VAV1: variants seen among roughly 807,000 people sequenced by gnomAD.
The protein encoded by VAV1 is proto-oncogene vav.
In VAV1, 33 loss-of-function variants were observed where a neutral mutation model predicts 128.1. That is an observed-to-expected ratio of 0.26 (90% CI 0.20 to 0.34). The LOEUF is 0.34. Among genes scored for constraint, VAV1 ranks in the 10% least tolerant of loss-of-function variants. The probability of loss-of-function intolerance (pLI) is 1.00; values close to 1 mark genes in which losing one functional copy is unlikely to be tolerated. For synonymous variants in VAV1, 394 were observed against 409.8 expected, an observed-to-expected ratio of 0.96 and a Z score of 0.47; for missense variants, 715 against 1,093.7, an observed-to-expected ratio of 0.65 and a Z score of 4.88.
At chr19:6,854,465 T>A (rs111385508) in intron 26 of VAV1, among the ~76,000 whole-genome samples, 46 of 152,114 alleles carry the variant, frequency 3.0e-4, no homozygotes, top group Non-Finnish European at 4.1e-4. Flanking sequence ...GTAATCCCAG[T>A]GCTTTGGGAG....
chr19:6,779,966 C>G (rs1027758319), intron 1 of VAV1, among the ~76,000 whole-genome samples: 1 of 149,198 alleles, frequency 6.7e-6, no homozygotes, highest in African/African-American at 2.4e-5. Context: ...AAAAAATTAG[C>G]CGGGCGTGGT....
chr19:6,824,516 T>C (rs778537717), intron 6 of VAV1, among the ~76,000 whole-genome samples: 1 of 152,132 alleles, frequency 6.6e-6, no homozygotes, highest in Non-Finnish European at 1.5e-5. Context: ...AATATTCCAT[T>C]GTATGGATGG....
intron 1 of VAV1, among the ~76,000 whole-genome samples, chr19:6,787,020 A>ATTTTTTTTTT (rs56137755): frequency 7.2e-6 from 1 of 138,506 alleles, no homozygotes; most frequent in Non-Finnish European, 1.6e-5. Flanking sequence ...CACGCTGTCT[A>ATTTTTTTTTT]TTTTTTTTTT....
chr19:6,837,201 C>A, intron 21 of VAV1, 151 bp downstream of exon 21: 1 of 727,274 alleles, frequency 1.4e-6, no homozygotes, highest in Non-Finnish European at 2.3e-6. Context: ...ACCCACCCCA[C>A]CAACTGAGCC....
chr19:6,772,995 G>A lies in VAV1; in HGVS notation c.188G>A (p.Arg63His), dbSNP rs771269172. Residue 63 changes from arginine to histidine, a missense_variant, in exon 1 of 27, where the codon CGC becomes CAC. Arg to His is a conservative substitution (Grantham distance 29). Coordinates refer to ENST00000602142, the MANE Select transcript of VAV1 (RefSeq NM_005428.4). This position sits in a 1 kb window ranked among gnomAD's most constrained non-coding sequence, Gnocchi z 4.8. ...ATCAACCTGCGTGAGGTCAACCTGCGCCCCCAGATGTCCCAGGTGAGCCCT... is the reference window on the plus strand; with the variant it reads ...ATCAACCTGCGTGAGGTCAACCTGCACCCCCAGATGTCCCAGGTGAGCCCT... Reference protein sequence around the residue: ...HAINLREVNLRPQMSQFLCLK... With the variant: ...HAINLREVNLHPQMSQFLCLK... The A allele has an allele frequency of 6.8e-6, 11 of 1,613,956 alleles. No individual in the cohort carries two copies. The highest frequency in any genetic ancestry group is 6.7e-5 in the East Asian group (3 of 44,890).
intron 21 of VAV1, among the ~76,000 whole-genome samples, chr19:6,841,861 T>C (rs1424236011): frequency 6.6e-6 from 1 of 152,220 alleles, no homozygotes; most frequent in East Asian, 1.9e-4. Flanking sequence ...CAACATTTGC[T>C]ACTTTCTGTT....
intron 1 of VAV1, among the ~76,000 whole-genome samples, chr19:6,808,365 C>G (rs1971442592): frequency 6.6e-6 from 1 of 152,010 alleles, no homozygotes; most frequent in South Asian, 2.1e-4. Context: ...CCAATAATTA[C>G]CTTAGGACAA....
At chr19:6,800,914 A>C (rs1971253659) in intron 1 of VAV1, among the ~76,000 whole-genome samples, 1 of 152,132 alleles carries the variant, frequency 6.6e-6, no homozygotes. Flanking sequence ...GGCGTGAGCC[A>C]CCGCACCCAG....
chr19:6,806,901 G>C (rs1038911227), intron 1 of VAV1, among the ~76,000 whole-genome samples: 1 of 152,238 alleles, frequency 6.6e-6, no homozygotes, highest in African/African-American at 2.4e-5. Flanking sequence ...AGCAGGGAAT[G>C]TGATGGTTGA....
At chr19:6,793,818 T>C (rs2546131) in intron 1 of VAV1, among the ~76,000 whole-genome samples, 33,461 of 152,024 alleles carry the variant, frequency 0.22, 3,903 homozygotes, top group African/African-American at 0.3. Context: ...TCAGTTTCCC[T>C]ATCTTTCAAA....
At position 6,805,774 on chromosome 19, in the gene VAV1, T is replaced by A. The variant is rs749907213; in HGVS notation, c.205-14928T>A. Among the ~76,000 whole-genome samples the A allele has an allele frequency of 1.5e-4, 23 of 151,806 alleles. No homozygotes were observed. In the South Asian group the frequency reaches 2.3e-3, roughly 15 times the overall value. On this transcript the variant is annotated intron_variant, in intron 1 of 26. Transcript: ENST00000602142. ...TATATATATATGCACACACACTATATGAATATTATATATAGTAATATTTAT... is the reference window on the plus strand; with the variant it reads ...TATATATATATGCACACACACTATAAGAATATTATATATAGTAATATTTAT...
At chr19:6,798,941 C>T (rs1730726254) in intron 1 of VAV1, among the ~76,000 whole-genome samples, 1 of 122,644 alleles carries the variant, frequency 8.2e-6, no homozygotes, top group African/African-American at 3.0e-5. Context: ...ACCTCTCATT[C>T]CCTCGTACCT....
Position 6,822,557 on chromosome 19 carries a change from A to T in VAV1, c.654+43A>T. 1.3e-6 allele frequency: 2 copies of T among 1,526,224 alleles called. No individual in the cohort carries two copies. Among genetic ancestry groups the T allele is most frequent in the South Asian group, 1.2e-5 (1 of 83,522 alleles). The allele number at this position is 1,526,224 out of a possible 1,614,324, so 94.5% of individuals were successfully genotyped here. On this transcript the variant is annotated intron_variant, in intron 6 of 26. Transcript: ENST00000602142. The surrounding 1 kb of genome is among the most constrained non-coding windows in gnomAD (Gnocchi z 5.9). ...AGCGCCTGCCGGGCGCATGCGCGGG[A>T]GCTGGGCCGGCAGGTGCACGTCCAC... is the stretch of plus-strand genomic sequence containing the variant.
Position 6,828,255 on chromosome 19 carries a change from G to C in VAV1, c.1023+84G>C. On this transcript the variant is annotated intron_variant, in intron 10 of 26. Coordinates refer to ENST00000602142, the MANE Select transcript of VAV1 (RefSeq NM_005428.4). This position sits in a 1 kb window ranked among gnomAD's most constrained non-coding sequence, Gnocchi z 4.5. ...GTGGGGACGGGGCTGGCTTCTGGGGGTTGGGTCTCTAGGACGCTCGGGGAT... is the reference window on the plus strand; with the variant it reads ...GTGGGGACGGGGCTGGCTTCTGGGGCTTGGGTCTCTAGGACGCTCGGGGAT... 2 of 1,559,710 alleles carry C rather than the reference G, an allele frequency of 1.3e-6. No homozygotes were observed. Among genetic ancestry groups the C allele is most frequent in the South Asian group, 2.3e-5 (2 of 88,234 alleles).
chr19:6,856,209 A>C (rs1167685494), intron 26 of VAV1, among the ~76,000 whole-genome samples: 2 of 152,138 alleles, frequency 1.3e-5, no homozygotes, highest in African/African-American at 4.8e-5. Flanking sequence ...AGGCAGGAGA[A>C]TCGCTTGAAC....
At chr19:6,808,448 A>G (rs1971444899) in intron 1 of VAV1, among the ~76,000 whole-genome samples, 1 of 152,218 alleles carries the variant, frequency 6.6e-6, no homozygotes, top group South Asian at 2.1e-4. Context: ...CCAAAGTAAC[A>G]AGGACTTAAA....
chr19:6,855,714 T>C (rs1972778339), intron 26 of VAV1, among the ~76,000 whole-genome samples: 1 of 151,872 alleles, frequency 6.6e-6, no homozygotes, highest in Non-Finnish European at 1.5e-5. Context: ...TACTCACCAG[T>C]CCATTAATTC....
chr19:6,793,229 G>A (rs984156293), intron 1 of VAV1, among the ~76,000 whole-genome samples: 4 of 152,030 alleles, frequency 2.6e-5, no homozygotes, highest in Admixed American at 6.6e-5. Flanking sequence ...AGCTACTCCG[G>A]AGGCTGAGGC....
intron 6 of VAV1, among the ~76,000 whole-genome samples, chr19:6,823,195 G>A (rs1971838762): frequency 6.7e-6 from 1 of 148,510 alleles, no homozygotes; most frequent in South Asian, 2.1e-4. Flanking sequence ...GCAAGCTCTC[G>A]CTTTACTACA....
Sources: gnomAD v4.1 joint callset for allele counts (sites outside exome capture counted in the v4.1 genomes callset) on GRCh38, gnomAD v4.1.1 for gene constraint, Gnocchi (gnomAD v3.1) non-coding constraint, MANE v1.5 for transcripts, NCBI Gene and HGNC (gene_info 2026-07-23, HGNC 2026-07-21) for gene names.